Variants in DPYD observed in about 807,000 individuals in gnomAD.
DPYD encodes dihydropyrimidine dehydrogenase, also known as dihydropyrimidine dehydrogenase [NADP(+)].
In DPYD, 109 loss-of-function variants were observed where a neutral mutation model predicts 116.2. The observed-to-expected ratio is 0.94, with a 90% confidence interval of 0.80 to 1.10. The LOEUF (loss-of-function observed/expected upper bound fraction) is 1.10, where lower values mean the gene tolerates loss of function less well. DPYD is among the 50% of genes least tolerant of loss of function. DPYD has a pLI of 0.00. For synonymous variants in DPYD, 440 were observed against 432.0 expected, an observed-to-expected ratio of 1.02 and a Z score of -0.23; for missense variants, 1,302 against 1,254.5, an observed-to-expected ratio of 1.04 and a Z score of -0.57.
At chr1:97,610,185 C>G (rs2100745704) in intron 8 of DPYD, among the ~76,000 whole-genome samples, 1 of 152,094 alleles carries the variant, frequency 6.6e-6, no homozygotes, top group African/African-American at 2.4e-5. Flanking sequence ...CAGATGTTAT[C>G]AGGCCTCATA....
intron 2 of DPYD, among the ~76,000 whole-genome samples, chr1:97,874,975 T>C (rs1464256949): frequency 6.6e-6 from 1 of 151,940 alleles, no homozygotes; most frequent in East Asian, 1.9e-4. Context: ...GAAACTGTGA[T>C]AAAATATGCA....
chr1:97,439,286 T>C (rs572824060), intron 14 of DPYD, among the ~76,000 whole-genome samples: 2 of 152,282 alleles, frequency 1.3e-5, no homozygotes, highest in East Asian at 3.9e-4. Flanking sequence ...ATAGAATGTG[T>C]TGAGAAGTAT....
chr1:97,229,546 GTATATATATATATA>G (rs55638142), intron 19 of DPYD, among the ~76,000 whole-genome samples: 1,662 of 58,122 alleles, frequency 0.029, 38 homozygotes, highest in South Asian at 0.058. Flanking sequence ...ACCATCCTAA[GTATATATATATATA>G]TATATATATA....
intron 1 of DPYD, among the ~76,000 whole-genome samples, chr1:97,898,318 G>A (rs1407716413): frequency 2.0e-5 from 3 of 151,796 alleles, no homozygotes; most frequent in African/African-American, 7.3e-5. Context: ...AGCAGCTCTA[G>A]CCTCTCTGTT....
At chr1:97,594,058 A>G (rs1324820646) in intron 9 of DPYD, among the ~76,000 whole-genome samples, 6 of 152,184 alleles carry the variant, frequency 3.9e-5, no homozygotes, top group Non-Finnish European at 5.9e-5. Flanking sequence ...TGCTGTCCAT[A>G]TGAAGATCCT....
chr1:97,896,668 T>C (rs1001891607), intron 1 of DPYD, among the ~76,000 whole-genome samples: 1 of 151,784 alleles, frequency 6.6e-6, no homozygotes, highest in Non-Finnish European at 1.5e-5. Context: ...ATCAAACATA[T>C]CCCTGCCAAA....
intron 5 of DPYD, among the ~76,000 whole-genome samples, chr1:97,704,784 C>CTTT (rs1661823485): frequency 1.3e-5 from 2 of 151,782 alleles, no homozygotes; most frequent in African/African-American, 4.8e-5. Flanking sequence ...GTCAGTTGTC[C>CTTT]ATCAACTGAC....
intron 3 of DPYD, among the ~76,000 whole-genome samples, chr1:97,782,109 A>T (rs895768666): frequency 2.0e-5 from 3 of 152,200 alleles, no homozygotes; most frequent in Non-Finnish European, 4.4e-5. Flanking sequence ...ATAAATTTTA[A>T]GTTGTTGAGG....
At chr1:97,522,328 C>A (rs1648740680) in intron 12 of DPYD, among the ~76,000 whole-genome samples, 1 of 152,178 alleles carries the variant, frequency 6.6e-6, no homozygotes, top group Non-Finnish European at 1.5e-5. Context: ...CAGCTGTCAT[C>A]ATAGTCGGCT....
intron 18 of DPYD, among the ~76,000 whole-genome samples, chr1:97,279,682 G>T (rs1042694942): frequency 6.6e-6 from 1 of 152,100 alleles, no homozygotes; most frequent in African/African-American, 2.4e-5. Flanking sequence ...GCTAATTTTT[G>T]TATTTTTAGT....
rs552984550 is a variant in DPYD, at chr1:97,438,504, G to T, written c.1905+11555C>A. 6.6e-5 allele frequency among the ~76,000 whole-genome samples: 10 copies of T among 151,982 alleles called. No individual in the cohort carries two copies. In the South Asian group the frequency reaches 2.1e-3, roughly 32 times the overall value. Reference sequence around the variant, plus strand: ...AATGATATATTTATTTTAATTTCCAGTTGTTTATTGCTTGCATATAAAAAT... The same window carrying T: ...AATGATATATTTATTTTAATTTCCATTTGTTTATTGCTTGCATATAAAAAT... On this transcript the variant is annotated intron_variant, in intron 14 of 22. Coordinates refer to ENST00000370192, the MANE Select transcript of DPYD (RefSeq NM_000110.4).
At chr1:97,447,493 G>A (rs920336507) in intron 14 of DPYD, among the ~76,000 whole-genome samples, 15 of 152,050 alleles carry the variant, frequency 9.9e-5, no homozygotes, top group Admixed American at 9.2e-4. Context: ...CGTTATCTTC[G>A]ATATGAGGAG....
chr1:97,578,649 G>C (rs1653437086), intron 10 of DPYD, among the ~76,000 whole-genome samples: 1 of 152,126 alleles, frequency 6.6e-6, no homozygotes, highest in African/African-American at 2.4e-5. Context: ...GAAATAATGA[G>C]ACTGTATGAT....
At chr1:97,904,393 AG>A (rs1251346143) in intron 1 of DPYD, among the ~76,000 whole-genome samples, 2 of 151,960 alleles carry the variant, frequency 1.3e-5, no homozygotes, top group Non-Finnish European at 2.9e-5. Flanking sequence ...CAAAATATGA[AG>A]GGTTATTGCA....
chr1:97,725,889 A>T (rs1663229711), intron 4 of DPYD, among the ~76,000 whole-genome samples: 1 of 151,530 alleles, frequency 6.6e-6, no homozygotes, highest in South Asian at 2.1e-4. Flanking sequence ...AATTGTTCTC[A>T]AATTGACTGT....
chr1:97,266,735 T>A (rs910485016), intron 18 of DPYD, among the ~76,000 whole-genome samples: 2 of 152,106 alleles, frequency 1.3e-5, no homozygotes, highest in Admixed American at 1.3e-4. Flanking sequence ...TGTGTCCAAG[T>A]GTTCTCATCG....
intron 13 of DPYD, among the ~76,000 whole-genome samples, chr1:97,478,441 C>A (rs1317053579): frequency 6.6e-6 from 1 of 152,140 alleles, no homozygotes; most frequent in African/African-American, 2.4e-5. Flanking sequence ...CCATGCATCA[C>A]CATGCCCAGC....
chr1:97,684,189 C>T lies in DPYD; in HGVS notation c.763-5007G>A, dbSNP rs1421335729. ...GGCATTTAGCGCTGTAAATTTCCCT[C>T]TTAACACTGCTTTAGCAGCATCCCA... On this transcript the variant is annotated intron_variant, in intron 7 of 22. Transcript: ENST00000370192. Among the ~76,000 whole-genome samples, 40 of 152,178 alleles carry T rather than the reference C, an allele frequency of 2.6e-4. 1 individual carries two copies. Among genetic ancestry groups the T allele is most frequent in the Admixed American group, 2.4e-3 (36 of 15,270 alleles).
At chr1:97,273,179 T>C (rs1570399384) in intron 18 of DPYD, among the ~76,000 whole-genome samples, 1 of 152,248 alleles carries the variant, frequency 6.6e-6, no homozygotes, top group East Asian at 1.9e-4. Context: ...CAAAATTAAA[T>C]GTGTTTTAAG....
Sources: allele counts gnomAD v4.1 joint callset (sites outside exome capture counted in the v4.1 genomes callset), GRCh38; gene constraint gnomAD v4.1.1; transcripts MANE v1.5; gene names NCBI Gene and HGNC (gene_info 2026-07-23, HGNC 2026-07-21).